DOCK8: variants seen among roughly 807,000 people sequenced by gnomAD.
DOCK8 encodes dedicator of cytokinesis 8, also known as dedicator of cytokinesis protein 8.
In DOCK8, 141 loss-of-function variants were observed where a neutral mutation model predicts 245.6. The ratio of observed to expected loss-of-function variants is 0.57; its 90% confidence interval spans 0.50 to 0.66. The LOEUF (loss-of-function observed/expected upper bound fraction) is 0.66, where lower values mean the gene tolerates loss of function less well. Among genes scored for constraint, DOCK8 ranks in the 30% least tolerant of loss-of-function variants. The pLI is 0.00. For synonymous variants in DOCK8, 1,168 were observed against 970.2 expected, an observed-to-expected ratio of 1.20 and a Z score of -3.79; for missense variants, 2,965 against 2,603.4, an observed-to-expected ratio of 1.14 and a Z score of -3.02.
intron 27 of DOCK8, among the ~76,000 whole-genome samples, chr9:406,262 A>G (rs920462874): frequency 6.6e-6 from 1 of 152,092 alleles, no homozygotes; most frequent in Admixed American, 6.6e-5. Context: ...CGGAGGCCAA[A>G]GGGAGTGGAA....
intron 8 of DOCK8, among the ~76,000 whole-genome samples, chr9:327,342 T>G (rs1586707824): frequency 6.6e-6 from 1 of 152,130 alleles, no homozygotes; most frequent in African/African-American, 2.4e-5. Context: ...ATGTGGTGAC[T>G]TGTATTTTGC....
rs376877796 is a variant in DOCK8, at chr9:446,564, C to G, written c.5775C>G (p.Phe1925Leu). 3.1e-6 allele frequency: 5 copies of G among 1,614,224 alleles called. No individual in the cohort carries two copies. Among genetic ancestry groups the G allele is most frequent in the Non-Finnish European group, 4.2e-6 (5 of 1,180,034 alleles). The change falls in exon 44 of 48, where the codon TTC becomes TTG. Residue 1925 changes from phenylalanine to leucine, a missense_variant. By Grantham distance (22) the Phe-to-Leu change is conservative (BLOSUM62 0). Transcript: ENST00000432829. ...RNTVLTTMHA[F>L]PYIKTRISVI... is the part of the protein sequence containing the mutation. Reference sequence around the variant, plus strand: ...CAGTCCTGACCACTATGCACGCCTTCCCCTACATCAAGACCAGGATCAGCG... The same window carrying G: ...CAGTCCTGACCACTATGCACGCCTTGCCCTACATCAAGACCAGGATCAGCG...
In DOCK8 at chr9:400,800, C is replaced by T. The variant is rs866710475; in HGVS notation, c.3234+1541C>T. Among the ~76,000 whole-genome samples the T allele has an allele frequency of 3.5e-5, 4 of 114,368 alleles. 1 individual carries two copies. The highest frequency in any genetic ancestry group is 2.6e-4 in the Admixed American group (3 of 11,538). The allele number at this position is 114,368 out of a possible 152,430, so 75.0% of individuals were successfully genotyped here. ...ACCACCACCTCCACCATCACCACCA[C>T]CTCCACCATCACCACCACCTCCACC... On this transcript the variant is annotated intron_variant, in intron 26 of 47. Coordinates refer to ENST00000432829, the MANE Select transcript of DOCK8 (RefSeq NM_203447.4).
At chr9:253,539 C>G (rs2047699095) in intron 1 of DOCK8, among the ~76,000 whole-genome samples, 1 of 152,186 alleles carries the variant, frequency 6.6e-6, no homozygotes, top group Non-Finnish European at 1.5e-5. Context: ...GCCTTGCCTA[C>G]TTCATTGGAA....
rs778196359 is a variant in DOCK8 at position 396,825 on chromosome 9, G to A, written c.3011G>A (p.Arg1004Gln). 1.5e-5 allele frequency: 25 copies of A among 1,614,036 alleles called. No individual in the cohort carries two copies. The highest frequency in any genetic ancestry group is 2.0e-5 in the Non-Finnish European group (24 of 1,180,016). ...CAGCACGTACATAACATGGACAAAC[G>A]GGACAGTTTTCGGAGGACTCGTTTT... ...MAQHVHNMDK[R>Q]DSFRRTRFSD... Residue 1004 changes from arginine (R) to glutamine (Q), a missense_variant, in exon 25 of 48, where the codon CGG becomes CAG. Arg to Gln is a conservative substitution (Grantham distance 43). Around this residue, in one of 3 missense-constraint regions of DOCK8, gnomAD observed 2,825 missense variants for 2,453.5 expected, o/e 1.15. Coordinates refer to ENST00000432829, the MANE Select transcript of DOCK8 (RefSeq NM_203447.4).
intron 46 of DOCK8, chr9:454,361 C>G (rs546391726): frequency 3.5e-4 from 53 of 152,296 alleles, no homozygotes; most frequent in African/African-American, 1.2e-3. Context: ...ATCTCTTACT[C>G]TATCTAATTT....
At chr9:365,582 T>G (rs1308730839) in intron 14 of DOCK8, 1 of 455,786 alleles carries the variant, frequency 2.2e-6, no homozygotes, top group East Asian at 6.9e-5. Flanking sequence ...GGCTTTTTTT[T>G]TTTTTCAGAG....
At chr9:394,742 C>T (rs568969181) in intron 24 of DOCK8, among the ~76,000 whole-genome samples, 2 of 152,318 alleles carry the variant, frequency 1.3e-5, no homozygotes, top group East Asian at 1.9e-4. Flanking sequence ...TTTAAATGGG[C>T]CACAAAGGCC....
At chr9:415,912 G>T (rs2131608981) in intron 29 of DOCK8, among the ~76,000 whole-genome samples, 1 of 152,306 alleles carries the variant, frequency 6.6e-6, no homozygotes, top group East Asian at 1.9e-4. Context: ...AGTGTCATGT[G>T]TGACTAAATT....
intron 4 of DOCK8, among the ~76,000 whole-genome samples, chr9:297,766 T>C (rs1025177428): frequency 6.6e-6 from 1 of 152,150 alleles, no homozygotes; most frequent in South Asian, 2.1e-4. Flanking sequence ...TCAAGGAGCT[T>C]TGAGACTTTC....
At chr9:327,008 TCA>T (rs2050792181) in intron 8 of DOCK8, among the ~76,000 whole-genome samples, 1 of 152,216 alleles carries the variant, frequency 6.6e-6, no homozygotes, top group South Asian at 2.1e-4. Flanking sequence ...ACTGTTCACA[TCA>T]TGCTCTTGCT....
rs1272925786 is a variant in DOCK8, at chr9:325,700, C to T, written c.857C>T (p.Ala286Val). The change falls in exon 8 of 48, where the codon GCC (alanine) becomes GTC (valine). Residue 286 changes from alanine (A) to valine (V), a missense_variant. Coordinates refer to ENST00000432829, the MANE Select transcript of DOCK8 (RefSeq NM_203447.4). ...GAGATTGAAATTGAGCCCCTGTTTG[C>T]CAGCATTGCCCTCTACGATGTTAAA... ...KFEIEIEPLF[A>V]SIALYDVKER... is the part of the protein sequence containing the mutation. The T allele has an allele frequency of 1.2e-6, 2 of 1,613,918 alleles. No homozygotes were observed. Among genetic ancestry groups the T allele is most frequent in the Non-Finnish European group, 1.7e-6 (2 of 1,179,928 alleles).
At chr9:451,034 C>T (rs1161242622) in intron 45 of DOCK8, among the ~76,000 whole-genome samples, 1 of 152,026 alleles carries the variant, frequency 6.6e-6, no homozygotes, top group East Asian at 1.9e-4. Flanking sequence ...TATTCGGCGC[C>T]AGGCTCAGTG....
chr9:278,186 A>G (rs1168976716), intron 2 of DOCK8, among the ~76,000 whole-genome samples: 1 of 152,262 alleles, frequency 6.6e-6, no homozygotes, highest in Non-Finnish European at 1.5e-5. Flanking sequence ...CAGCAGAGGA[A>G]TCAACTCAGC....
At chr9:214,634 T>C (rs1227280804), upstream of DOCK8, 3 of 1,612,462 alleles carry the variant, frequency 1.9e-6, no homozygotes, top group East Asian at 2.2e-5. Context: ...AGTGGTCGCC[T>C]GTCGTCCGCC....
At chr9:255,993 G>C (rs578253927) in intron 1 of DOCK8, among the ~76,000 whole-genome samples, 9 of 152,246 alleles carry the variant, frequency 5.9e-5, no homozygotes, top group African/African-American at 1.9e-4. Context: ...TAACTGTTTA[G>C]TGCACAGAAT....
At position 339,068 on chromosome 9, in the gene DOCK8, A is replaced by C; in HGVS notation, c.1485A>C (p.Ser495=). 4 of 1,614,156 alleles carry C rather than the reference A, an allele frequency of 2.5e-6. No homozygotes were observed. Among genetic ancestry groups the C allele is most frequent in the Non-Finnish European group, 3.4e-6 (4 of 1,180,010 alleles). ...TTTTAGCTGACTACAAAAGATCATC[A>C]TCCTTACAGAGACGAGTCAAGTCAA... The part of the protein sequence containing the change: ...FKFLADYKRS[S]SLQRRVKSIP... Residue 495 remains serine, a synonymous_variant, in exon 13 of 48, where the codon TCA becomes TCC. Coordinates refer to ENST00000432829, the MANE Select transcript of DOCK8 (RefSeq NM_203447.4).
chr9:287,183 C>T (rs1441395797), intron 3 of DOCK8, among the ~76,000 whole-genome samples: 3 of 152,158 alleles, frequency 2.0e-5, no homozygotes, highest in South Asian at 2.1e-4. Context: ...AAGAAAGTGT[C>T]ATGCAGTGCT....
At chr9:371,404 G>T in intron 16 of DOCK8, 24 bp from the exon 17 acceptor site, 1 of 1,614,058 alleles carries the variant, frequency 6.2e-7, no homozygotes, top group East Asian at 2.2e-5. Context: ...AAAGTTATTT[G>T]TGTATAATGT....
Sources: gnomAD v4.1 joint callset for allele counts (sites outside exome capture counted in the v4.1 genomes callset) on GRCh38, gnomAD v4.1.1 for gene constraint, gnomAD v4.1.1 regional missense constraint, MANE v1.5 for transcripts, NCBI Gene and HGNC (gene_info 2026-07-23, HGNC 2026-07-21) for gene names.